Variants in PTH1R observed in about 807,000 individuals in gnomAD.
PTH1R encodes parathyroid hormone 1 receptor.
In PTH1R, 32 loss-of-function variants were observed where a neutral mutation model predicts 70.7. The ratio of observed to expected loss-of-function variants is 0.45; its 90% CI spans 0.34 to 0.61. The LOEUF (loss-of-function observed/expected upper bound fraction) is 0.61. Ranked by LOEUF, PTH1R falls within the 20% of genes least tolerant of loss-of-function variation. The pLI is 0.01. For missense variants in PTH1R, 626 were observed against 792.5 expected (o/e 0.79, Z 2.52); for synonymous variants, 329 against 324.8 (o/e 1.01, Z -0.14).
At chr3:46,894,218 C>G (rs1247778840) in intron 4 of PTH1R, among the ~76,000 whole-genome samples, 1 of 152,040 alleles carries the variant, frequency 6.6e-6, no homozygotes, top group Admixed American at 6.5e-5. Context: ...TCCTAAGTCT[C>G]GAGCTCAGGT....
rs2030821026 is a variant in PTH1R, at chr3:46,883,690, G to C, written c.75+56G>C. Reference sequence around the variant, plus strand: ...AGGCTGCGGGCTTACCCTAGGGTCCGCGGGATAGGTCTAAGGCACGCAGTC... The same window carrying C: ...AGGCTGCGGGCTTACCCTAGGGTCCCCGGGATAGGTCTAAGGCACGCAGTC... On this transcript the variant is annotated intron_variant, in intron 3 of 15. Transcript: ENST00000449590. This position sits in a 1 kb window ranked among gnomAD's most constrained non-coding sequence, Gnocchi z 6.4. 1.4e-5 allele frequency: 21 copies of C among 1,538,660 alleles called. No homozygotes were observed. Among genetic ancestry groups the C allele is most frequent in the Non-Finnish European group, 1.8e-5 (21 of 1,142,532 alleles).
chr3:46,878,669 T>A (rs2030377375), intron 1 of PTH1R, among the ~76,000 whole-genome samples: 1 of 152,202 alleles, frequency 6.6e-6, no homozygotes, highest in African/African-American at 2.4e-5. Flanking sequence ...GCTGAGCCTC[T>A]TGCCTTGCTT....
rs148778122 is a variant in PTH1R at position 46,901,793 on chromosome 3, G to A, written c.1144G>A (p.Val382Ile). 44 of 1,613,886 alleles carry A rather than the reference G, an allele frequency of 2.7e-5. No individual in the cohort carries two copies. The highest frequency in any genetic ancestry group is 3.3e-4 in the Middle Eastern group (2 of 6,082). The change falls in exon 13 of 16, where the codon GTC becomes ATC. Residue 382 changes from valine (V) to isoleucine (I), a missense_variant. Physicochemically the swap from Val to Ile is conservative, Grantham distance 29. Coordinates refer to ENST00000449590, the MANE Select transcript of PTH1R (RefSeq NM_000316.3). This position sits in a 1 kb window ranked among gnomAD's most constrained non-coding sequence, Gnocchi z 7.3. Reference protein sequence around the residue: ...VLNFILFINIVRVLATKLRET... With the variant: ...VLNFILFINIIRVLATKLRET... Reference sequence around the variant, plus strand: ...CAACTTCATCCTCTTCATCAATATCGTCCGGGTGCTCGCCACCAAGCTGCG... The same window carrying A: ...CAACTTCATCCTCTTCATCAATATCATCCGGGTGCTCGCCACCAAGCTGCG...
chr3:46,896,310 G>A lies in PTH1R; in HGVS notation c.313+441G>A, dbSNP rs974466510. Among the ~76,000 whole-genome samples, 3 of 152,138 alleles carry A rather than the reference G, an allele frequency of 2.0e-5. No individual in the cohort carries two copies. The highest frequency in any genetic ancestry group is 7.2e-5 in the African/African-American group (3 of 41,418). On this transcript the variant is annotated intron_variant, in intron 5 of 15. Transcript: ENST00000449590. This position sits in a 1 kb window ranked among gnomAD's most constrained non-coding sequence, Gnocchi z 4.1. ...CCAGGAGGCACACACTGAAGTCTGG[G>A]CTCAGTGTGTCAGAGGAGGTACATG...
Position 46,900,977 on chromosome 3 carries a change from G to A in PTH1R, c.989-48G>A, listed in dbSNP as rs377298656. On this transcript the variant is annotated intron_variant, in intron 10 of 15. Coordinates refer to ENST00000449590, the MANE Select transcript of PTH1R (RefSeq NM_000316.3). Reference sequence around the variant, plus strand: ...TCGAGGATGAGGGGGGAATGACCTTGTGGACAGCAGCCACAGTCCTGCACA... The same window carrying A: ...TCGAGGATGAGGGGGGAATGACCTTATGGACAGCAGCCACAGTCCTGCACA... 1.9e-6 allele frequency: 3 copies of A among 1,551,430 alleles called. No individual in the cohort carries two copies. The African/African-American group carries it at 4.1e-5, about 21-fold the overall frequency.
In PTH1R at chr3:46,883,553, G is replaced by A. The variant is rs1389534097; in HGVS notation, c.-7G>A. ...TGCCCCGAGGGACGCGGCCCTAGGC[G>A]GTGGCGATGGGGACCGCCCGGATCG... On this transcript the variant is annotated 5_prime_UTR_variant, in exon 3 of 16. Coordinates refer to ENST00000449590, the MANE Select transcript of PTH1R (RefSeq NM_000316.3). This position sits in a 1 kb window ranked among gnomAD's most constrained non-coding sequence, Gnocchi z 6.4. The A allele has an allele frequency of 2.0e-6, 3 of 1,533,312 alleles. No individual in the cohort carries two copies. Among genetic ancestry groups the A allele is most frequent in the Admixed American group, 2.0e-5 (1 of 50,814 alleles). The allele number at this position is 1,533,312 out of a possible 1,614,324, so 95.0% of individuals were successfully genotyped here.
chr3:46,892,899 G>A lies in PTH1R; in HGVS notation c.76-1008G>A. On this transcript the variant is annotated intron_variant, in intron 3 of 15. Coordinates refer to ENST00000449590, the MANE Select transcript of PTH1R (RefSeq NM_000316.3). The surrounding 1 kb of genome is among the most constrained non-coding windows in gnomAD (Gnocchi z 5.2). ...ACGACCCTGAATTAAGAGGGATGGG[G>A]CTGAGGGCTTCACAGCCCCGCCCTG... 2.5e-6 allele frequency: 2 copies of A among 786,080 alleles called. No individual in the cohort carries two copies. Among genetic ancestry groups the A allele is most frequent in the Admixed American group, 6.2e-5 (1 of 16,020 alleles). 48.7% of individuals were successfully genotyped at this position (786,080 alleles called of 1,614,324 possible).
At position 46,884,637 on chromosome 3, in the gene PTH1R, G is replaced by T. The variant is rs2030901199; in HGVS notation, c.75+1003G>T. 1.3e-5 allele frequency among the ~76,000 whole-genome samples: 2 copies of T among 152,140 alleles called. No individual in the cohort carries two copies. The highest frequency in any genetic ancestry group is 4.8e-5 in the African/African-American group (2 of 41,408). Reference sequence around the variant, plus strand: ...CAAAGCCTCTTCTCCCTGCTCCCCAGTGGGGGTATCTGCCTGCTAGAGAGC... The same window carrying T: ...CAAAGCCTCTTCTCCCTGCTCCCCATTGGGGGTATCTGCCTGCTAGAGAGC... On this transcript the variant is annotated intron_variant, in intron 3 of 15. Coordinates refer to ENST00000449590, the MANE Select transcript of PTH1R (RefSeq NM_000316.3). This position sits in a 1 kb window ranked among gnomAD's most constrained non-coding sequence, Gnocchi z 4.8.
chr3:46,901,206 A>C lies in PTH1R; in HGVS notation c.1049+121A>C, dbSNP rs2032094488. ...AAACGGCCCAGCCTCAGGAGTTCTCAGTCCAGCCTCAAGCCAGGAGCACCC... is the reference window on the plus strand; with the variant it reads ...AAACGGCCCAGCCTCAGGAGTTCTCCGTCCAGCCTCAAGCCAGGAGCACCC... On this transcript the variant is annotated intron_variant, in intron 11 of 15. Transcript: ENST00000449590. This position sits in a 1 kb window ranked among gnomAD's most constrained non-coding sequence, Gnocchi z 7.3. The C allele has an allele frequency of 2.2e-6, 3 of 1,358,112 alleles. No homozygotes were observed. Among genetic ancestry groups the C allele is most frequent in the Non-Finnish European group, 3.1e-6 (3 of 975,596 alleles). 84.1% of individuals were successfully genotyped at this position (1,358,112 alleles called of 1,614,324 possible).
At chr3:46,895,970 A>G (rs1209423469) in intron 5 of PTH1R, 101 bp downstream of exon 5, 1 of 1,438,928 alleles carries the variant, frequency 6.9e-7, no homozygotes, top group East Asian at 2.5e-5. Context: ...TGGCTCTTAT[A>G]GAAAGTAAAA....
At chr3:46,894,768 G>T (rs926275752) in intron 4 of PTH1R, among the ~76,000 whole-genome samples, 4 of 152,006 alleles carry the variant, frequency 2.6e-5, no homozygotes, top group Non-Finnish European at 5.9e-5. Context: ...CCACAGACCC[G>T]ACATGTAAGG....
chr3:46,887,197 G>A (rs1011036950), intron 3 of PTH1R, among the ~76,000 whole-genome samples: 5 of 151,826 alleles, frequency 3.3e-5, no homozygotes, highest in African/African-American at 4.8e-5. Context: ...CCGAGATCAC[G>A]CTGCTGCACT....
At chr3:46,888,904 C>G (rs927438944) in intron 3 of PTH1R, among the ~76,000 whole-genome samples, 1 of 152,234 alleles carries the variant, frequency 6.6e-6, no homozygotes, top group African/African-American at 2.4e-5. Flanking sequence ...CCTCTTCCCC[C>G]CCAGCCCCTC....
intron 5 of PTH1R, 121 bp downstream of exon 5, chr3:46,895,990 C>G (rs2031728747): frequency 7.6e-7 from 1 of 1,310,354 alleles, no homozygotes; most frequent in African/African-American, 1.5e-5. Flanking sequence ...AGGCTGCAGC[C>G]ACATCCCCAG....
intron 1 of PTH1R, among the ~76,000 whole-genome samples, chr3:46,880,683 T>C (rs1305879135): frequency 1.3e-5 from 2 of 152,138 alleles, no homozygotes; most frequent in Non-Finnish European, 2.9e-5. Flanking sequence ...GCAGAGATCA[T>C]GCCACTGGAC....
chr3:46,893,986 T>C lies in PTH1R; in HGVS notation c.155T>C (p.Leu52Pro), dbSNP rs753782379. 1.2e-6 allele frequency: 2 copies of C among 1,613,920 alleles called. No homozygotes were observed. Among genetic ancestry groups the C allele is most frequent in the South Asian group, 1.1e-5 (1 of 91,070 alleles). Residue 52 changes from leucine to proline, a missense_variant, in exon 4 of 16, where the codon CTC becomes CCC. Leu to Pro is a moderately conservative substitution (Grantham distance 98, BLOSUM62 -3). Transcript: ENST00000449590. The surrounding 1 kb of genome is among the most constrained non-coding windows in gnomAD (Gnocchi z 5.2). ...GCTCAGGCCCAGTGCGAAAAACGGC[T>C]CAAGGAGGTCCTGCAGAGGCCAGGT... is the stretch of plus-strand genomic sequence containing the variant. Reference protein sequence around the residue: ...HRAQAQCEKRLKEVLQRPASI... With the variant: ...HRAQAQCEKRPKEVLQRPASI...
At position 46,902,385 on chromosome 3, in the gene PTH1R, A is replaced by AT; in HGVS notation, c.1212-141_1212-140insT. 8.7e-7 allele frequency: 1 copy of AT among 1,150,368 alleles called. No homozygotes were observed. Among genetic ancestry groups the AT allele is most frequent in the Non-Finnish European group, 1.3e-6 (1 of 791,422 alleles). 71.3% of individuals were successfully genotyped at this position (1,150,368 alleles called of 1,614,324 possible). On this transcript the variant is annotated intron_variant, in intron 13 of 15. Transcript: ENST00000449590. The surrounding 1 kb of genome is among the most constrained non-coding windows in gnomAD (Gnocchi z 5.4). The stretch of plus-strand genomic sequence containing the variant: ...AGCCAGGACAGCAGCCATGCAGGTG[A>AT]ACTGGGTTGTCCTCCCATGGTGACT...
In PTH1R at chr3:46,888,234, C is replaced by T. The variant is rs188376089; in HGVS notation, c.75+4600C>T. On this transcript the variant is annotated intron_variant, in intron 3 of 15. Transcript: ENST00000449590. Reference sequence around the variant, plus strand: ...CTGGGCTTTACAGTGAGAGCTTGCTCGGGGCCATTAACCATCATTCTATGG... The same window carrying T: ...CTGGGCTTTACAGTGAGAGCTTGCTTGGGGCCATTAACCATCATTCTATGG... Among the ~76,000 whole-genome samples, 14 of 152,324 alleles carry T rather than the reference C, an allele frequency of 9.2e-5. No individual in the cohort carries two copies. In the East Asian group the frequency reaches 1.2e-3, roughly 13 times the overall value.
Position 46,901,168 on chromosome 3 carries a change from G to A in PTH1R, c.1049+83G>A. 2 of 1,494,190 alleles carry A rather than the reference G, an allele frequency of 1.3e-6. No individual in the cohort carries two copies. The highest frequency in any genetic ancestry group is 9.1e-7 in the Non-Finnish European group (1 of 1,096,504). The allele number at this position is 1,494,190 out of a possible 1,614,324, so 92.6% of individuals were successfully genotyped here. A position where few individuals can be genotyped will look rare whatever the true frequency, so the allele number is the denominator to read the frequency against. On this transcript the variant is annotated intron_variant, in intron 11 of 15. Transcript: ENST00000449590. The surrounding 1 kb of genome is among the most constrained non-coding windows in gnomAD (Gnocchi z 7.3). Reference sequence around the variant, plus strand: ...CAGGAAGCATGTGAGAGGGCCTCCTGTACCCTGGCCTCAAACGGCCCAGCC... The same window carrying A: ...CAGGAAGCATGTGAGAGGGCCTCCTATACCCTGGCCTCAAACGGCCCAGCC...
Sources: gnomAD v4.1 joint callset for allele counts (sites outside exome capture counted in the v4.1 genomes callset) on GRCh38, gnomAD v4.1.1 for gene constraint, Gnocchi (gnomAD v3.1) non-coding constraint, MANE v1.5 for transcripts, NCBI Gene and HGNC (gene_info 2026-07-23, HGNC 2026-07-21) for gene names.